Variants in VCL observed in about 807,000 individuals in gnomAD.
VCL encodes the protein vinculin, also known as epididymis luminal protein 114.
VCL carries 47 observed loss-of-function variants against 125.7 expected under a neutral mutation model. That is an observed-to-expected ratio of 0.37 (90% CI 0.30 to 0.48). The LOEUF (loss-of-function observed/expected upper bound fraction) is 0.48. Ranked by LOEUF, VCL falls within the 20% of genes least tolerant of loss-of-function variation. The probability of loss-of-function intolerance (pLI) is 0.99; values close to 1 mark genes in which losing one functional copy is unlikely to be tolerated. For missense variants in VCL, 1,069 were observed against 1,455.5 expected, an observed-to-expected ratio of 0.73 and a Z score of 4.32; for synonymous variants, 458 against 514.6, an observed-to-expected ratio of 0.89 and a Z score of 1.49.
intron 19 of VCL, among the ~76,000 whole-genome samples, chr10:74,113,166 G>C (rs1292639873): frequency 6.6e-6 from 1 of 152,196 alleles, no homozygotes; most frequent in Non-Finnish European, 1.5e-5. Context: ...AATGAGTAGG[G>C]CCTGGACTTT....
rs540882056 is a variant in VCL, at chr10:74,120,090, T to C, written c.*1921T>C. 6.6e-6 allele frequency: 1 copy of C among 152,304 alleles called. No homozygotes were observed. Among genetic ancestry groups the C allele is most frequent in the Non-Finnish European group, 1.5e-5 (1 of 68,012 alleles). The allele number at this position is 152,304 out of a possible 1,614,324, so 9.4% of individuals were successfully genotyped here. A position where few individuals can be genotyped will look rare whatever the true frequency, so the allele number is the denominator to read the frequency against. On this transcript the variant is annotated 3_prime_UTR_variant, in exon 22 of 22. Coordinates refer to ENST00000211998, the MANE Select transcript of VCL (RefSeq NM_014000.3). ...AAAACTACATTTATAAGCTAGGATT[T>C]GTTATATGCAAATATTTTCTGCCTC...
Position 74,095,849 on chromosome 10 carries a change from C to G in VCL, c.1737C>G (p.Ser579=). The change falls in exon 12 of 22, where the codon TCC becomes TCG. Residue 579 remains serine (S), a synonymous_variant. Transcript: ENST00000211998. ...CACTTGCATCTCAGCTCCAAGACTC[C>G]TTAAAGGTAGAAGTCAGGAGCACAT... ...ARALASQLQD[S]LKDLKARMQE... is the part of the protein sequence containing the mutation. 6.2e-7 allele frequency: 1 copy of G among 1,613,606 alleles called. No homozygotes were observed. Among genetic ancestry groups the G allele is most frequent in the Non-Finnish European group, 8.5e-7 (1 of 1,180,018 alleles).
chr10:74,097,266 C>A lies in VCL; in HGVS notation c.1806C>A (p.Thr602=), dbSNP rs1591707521. The part of the protein sequence containing the change: ...TQEVSDVFSD[T]TTPIKLLAVA... Reference sequence around the variant, plus strand: ...AAGTGTCAGATGTTTTCAGCGATACCACAACTCCCATCAAGCTGTTGGCAG... The same window carrying A: ...AAGTGTCAGATGTTTTCAGCGATACAACAACTCCCATCAAGCTGTTGGCAG... Residue 602 remains threonine, a synonymous_variant, in exon 13 of 22, where the codon ACC becomes ACA. Coordinates refer to ENST00000211998, the MANE Select transcript of VCL (RefSeq NM_014000.3). This position sits in a 1 kb window ranked among gnomAD's most constrained non-coding sequence, Gnocchi z 4.1. 6.2e-7 allele frequency: 1 copy of A among 1,614,062 alleles called. No homozygotes were observed. The highest frequency in any genetic ancestry group is 2.2e-5 in the East Asian group (1 of 44,882).
chr10:74,105,174 G>A lies in VCL; in HGVS notation c.2255G>A (p.Gly752Glu), dbSNP rs2131928418. ...ANIQPQMLVAGATSIARRANR... is the reference protein window; with the variant it reads ...ANIQPQMLVAEATSIARRANR... ...ATTCAGCCTCAGATGCTGGTTGCTG[G>A]GGCAACCAGTATTGCTCGTCGGGCC... Residue 752 changes from glycine (G) to glutamate (E), a missense_variant, in exon 16 of 22, where the codon GGG becomes GAG. Physicochemically the swap from Gly to Glu is moderately conservative, Grantham distance 98. This residue lies in a region of VCL where 760 missense variants were observed against 928.9 expected (regional missense o/e 0.82). Transcript: ENST00000211998. The A allele has an allele frequency of 7.4e-6, 12 of 1,614,134 alleles. No individual in the cohort carries two copies. Among genetic ancestry groups the A allele is most frequent in the Non-Finnish European group, 1.0e-5 (12 of 1,180,012 alleles).
At chr10:74,089,582 A>C (rs1270211036) in intron 9 of VCL, among the ~76,000 whole-genome samples, 1 of 152,242 alleles carries the variant, frequency 6.6e-6, no homozygotes, top group African/African-American at 2.4e-5. Context: ...CACTTCAGTT[A>C]GGTAAAAGTA....
At chr10:74,065,340 A>G (rs886404518) in intron 2 of VCL, among the ~76,000 whole-genome samples, 6 of 151,800 alleles carry the variant, frequency 4.0e-5, no homozygotes, top group Non-Finnish European at 8.8e-5. Flanking sequence ...TTTCACCATG[A>G]TGGCCAGGCT....
intron 6 of VCL, chr10:74,077,790 T>A (rs1390392576): frequency 2.2e-6 from 1 of 452,468 alleles, no homozygotes; most frequent in Non-Finnish European, 4.4e-6. Flanking sequence ...TCTTGCCGAA[T>A]AAGTTAAGAT....
chr10:74,112,556 A>G (rs910406235), intron 19 of VCL, among the ~76,000 whole-genome samples: 1 of 152,090 alleles, frequency 6.6e-6, no homozygotes, highest in Admixed American at 6.6e-5. Context: ...AGGCAGCTTT[A>G]TAGGGCAGGG....
chr10:74,039,265 CA>C (rs1235535502), intron 1 of VCL, among the ~76,000 whole-genome samples: 2 of 151,904 alleles, frequency 1.3e-5, no homozygotes, highest in African/African-American at 4.8e-5. Context: ...CACCCCACCC[CA>C]CCCAGTCCAA....
At chr10:74,043,577 C>T (rs1490040880) in intron 2 of VCL, among the ~76,000 whole-genome samples, 1 of 152,006 alleles carries the variant, frequency 6.6e-6, no homozygotes, top group Non-Finnish European at 1.5e-5. Flanking sequence ...GAACTTCCGA[C>T]CTCAGGTGAT....
At chr10:74,100,747 A>G (rs1840039602) in intron 13 of VCL, among the ~76,000 whole-genome samples, 1 of 152,154 alleles carries the variant, frequency 6.6e-6, no homozygotes, top group Non-Finnish European at 1.5e-5. Flanking sequence ...GCATTTGCAC[A>G]TGATGGTGAT....
intron 1 of VCL, among the ~76,000 whole-genome samples, chr10:74,003,056 G>A (rs1840259692): frequency 6.6e-6 from 1 of 151,540 alleles, no homozygotes; most frequent in South Asian, 2.1e-4. Context: ...TTAGGGAGGG[G>A]GTAGGGTGGG....
At chr10:74,007,005 G>A (rs932420728) in intron 1 of VCL, among the ~76,000 whole-genome samples, 6 of 152,000 alleles carry the variant, frequency 3.9e-5, no homozygotes, top group Non-Finnish European at 8.8e-5. Context: ...TTGCTCTGCT[G>A]CTCAGGCTGG....
intron 2 of VCL, among the ~76,000 whole-genome samples, chr10:74,045,265 G>GGATAGATA (rs35058961): frequency 0.041 from 6,078 of 147,198 alleles, 153 homozygotes; most frequent in East Asian, 0.11. Flanking sequence ...ACAGAGAGAC[G>GGATAGATA]GATAGATAGA....
At chr10:74,022,600 ATAAATAAATAAG>A (rs142408687) in intron 1 of VCL, among the ~76,000 whole-genome samples, 71,643 of 130,966 alleles carry the variant, frequency 0.55, 19,030 homozygotes, top group Admixed American at 0.61. Context: ...AAATAAATAA[ATAAATAAATAAG>A]TAAATAAAAC....
intron 1 of VCL, among the ~76,000 whole-genome samples, chr10:74,002,500 T>G (rs556408077): frequency 1.3e-5 from 2 of 152,262 alleles, no homozygotes; most frequent in African/African-American, 4.8e-5. Context: ...TACTTTTGAT[T>G]GGAGAATCAG....
chr10:74,093,173 T>C (rs993505698), intron 10 of VCL, among the ~76,000 whole-genome samples: 2 of 152,156 alleles, frequency 1.3e-5, no homozygotes, highest in African/African-American at 4.8e-5. Context: ...GGTGGGCATC[T>C]ATAATCCTAG....
At chr10:74,074,109 G>A (rs1345952351) in intron 5 of VCL, among the ~76,000 whole-genome samples, 2 of 152,128 alleles carry the variant, frequency 1.3e-5, no homozygotes, top group Non-Finnish European at 2.9e-5. Context: ...GGTGGCAGAC[G>A]GCTATAATCC....
chr10:74,044,883 G>GA (rs1294673406), intron 2 of VCL, among the ~76,000 whole-genome samples: 2 of 152,032 alleles, frequency 1.3e-5, no homozygotes, highest in African/African-American at 2.4e-5. Context: ...CATTTCAATT[G>GA]AAAAAAACAA....
Sources: allele counts gnomAD v4.1 joint callset (sites outside exome capture counted in the v4.1 genomes callset), GRCh38; gene constraint gnomAD v4.1.1; regional missense constraint gnomAD v4.1.1; non-coding constraint Gnocchi (gnomAD v3.1); transcripts MANE v1.5; gene names NCBI Gene and HGNC (gene_info 2026-07-23, HGNC 2026-07-21).